Variants in INSL6 observed in about 807,000 individuals in gnomAD.
The protein encoded by INSL6 is insulin-like peptide INSL6.
In INSL6, 16 loss-of-function variants were observed where a neutral mutation model predicts 9.4. The ratio of observed to expected loss-of-function variants is 1.70; its 90% CI spans 1.15 to 2.59. The LOEUF (loss-of-function observed/expected upper bound fraction) is 2.59. INSL6 is among the 30% of genes most tolerant of loss of function. INSL6 has a pLI of 0.00. For synonymous variants in INSL6, 154 were observed against 96.9 expected (o/e 1.59, Z -3.46); for missense variants, 391 against 257.3 (o/e 1.52, Z -3.56).
At chr9:5,178,461 G>A (rs1825368982) in intron 1 of INSL6, among the ~76,000 whole-genome samples, 1 of 152,158 alleles carries the variant, frequency 6.6e-6, no homozygotes, top group East Asian at 1.9e-4. Flanking sequence ...ACTCTTCACT[G>A]GGCAGGACCT....
chr9:5,101,204 A>G, the INSL6 span, among the ~76,000 whole-genome samples: 7 of 152,356 alleles, frequency 4.6e-5, no homozygotes, highest in Admixed American at 2.0e-4. Context: ...CAACAGTCTT[A>G]CCAAATGGCA....
intron 3 of INSL6, chr9:5,126,790 G>C (rs1282965339): frequency 6.3e-7 from 1 of 1,588,218 alleles, no homozygotes; most frequent in Non-Finnish European, 8.6e-7. Flanking sequence ...ATGGCTGGAT[G>C]AAAGAAATGA....
the INSL6 span, chr9:5,084,905 T>C: frequency 4.3e-6 from 2 of 460,282 alleles, no homozygotes; most frequent in Non-Finnish European, 8.3e-6. Context: ...AAATGATTTT[T>C]GGTTATCTGC....
At chr9:5,130,346 G>A (rs1824245457) in intron 3 of INSL6, among the ~76,000 whole-genome samples, 1 of 152,176 alleles carries the variant, frequency 6.6e-6, no homozygotes, top group Non-Finnish European at 1.5e-5. Flanking sequence ...TTTGAGCAGT[G>A]TGAACAGACA....
At chr9:5,066,797 T>C in the INSL6 span, 2 of 1,307,618 alleles carry the variant, frequency 1.5e-6, no homozygotes, top group African/African-American at 3.0e-5. Flanking sequence ...GAGGTTAGTA[T>C]GTCACACTTA....
At chr9:5,050,646 A>T in the INSL6 span, 9 of 1,572,012 alleles carry the variant, frequency 5.7e-6, no homozygotes, top group Non-Finnish European at 7.8e-6. Context: ...ATGATAATGA[A>T]ACTTACGATG....
chr9:5,131,532 G>A (rs1476404064), intron 3 of INSL6, among the ~76,000 whole-genome samples: 1 of 147,332 alleles, frequency 6.8e-6, no homozygotes, highest in East Asian at 2.0e-4. Context: ...CCACCTCCTG[G>A]GTTCAAGTGA....
the INSL6 span, among the ~76,000 whole-genome samples, chr9:4,994,211 C>T: frequency 6.6e-6 from 1 of 152,196 alleles, no homozygotes; most frequent in African/African-American, 2.4e-5. Flanking sequence ...GCCATAGGAA[C>T]TTCCTTATCT....
chr9:5,001,344 AT>A, the INSL6 span, among the ~76,000 whole-genome samples: 1 of 152,124 alleles, frequency 6.6e-6, no homozygotes, highest in Non-Finnish European at 1.5e-5. Flanking sequence ...TCTTTATTTT[AT>A]TGAGGAAATT....
At chr9:5,062,341 T>G in the INSL6 span, among the ~76,000 whole-genome samples, 52 of 152,004 alleles carry the variant, frequency 3.4e-4, 1 homozygote, top group South Asian at 1.0e-2. Flanking sequence ...CAAAGGTCAT[T>G]GATCACAAAT....
the INSL6 span, among the ~76,000 whole-genome samples, chr9:5,069,561 A>G: frequency 6.6e-6 from 1 of 152,162 alleles, no homozygotes; most frequent in African/African-American, 2.4e-5. Flanking sequence ...TAAAGACAGT[A>G]AAGTTGGAAA....
chr9:5,073,793 A>G, the INSL6 span: 1 of 1,558,980 alleles, frequency 6.4e-7, no homozygotes, highest in Non-Finnish European at 8.8e-7. Flanking sequence ...AGAGTAAGTA[A>G]AACTACAGGC....
At chr9:5,043,439 GACAA>G in the INSL6 span, among the ~76,000 whole-genome samples, 1 of 152,160 alleles carries the variant, frequency 6.6e-6, no homozygotes, top group Non-Finnish European at 1.5e-5. Flanking sequence ...AAATCAGAAA[GACAA>G]ACAATAACAA....
rs140515241 is a variant in INSL6, at chr9:5,185,335, G to A, written c.268C>T (p.Arg90Trp). ...TTACCTGGGTTTGTGCCTCTTCCCCGGGCCGGGGAAGCGGTTTGCGGGCTT... is the reference window on the plus strand; with the variant it reads ...TTACCTGGGTTTGTGCCTCTTCCCCAGGCCGGGGAAGCGGTTTGCGGGCTT... ...FESPQTASPARGRGTNPVSTS... is the reference protein window; with the variant it reads ...FESPQTASPAWGRGTNPVSTS... Residue 90 changes from arginine (R) to tryptophan (W), a missense_variant, in exon 1 of 2, where the codon CGG (arginine) becomes TGG (tryptophan). Physicochemically the swap from Arg to Trp is moderately radical, Grantham distance 101. Coordinates refer to ENST00000381641, the MANE Select transcript of INSL6 (RefSeq NM_007179.3). 2.2e-4 allele frequency: 351 copies of A among 1,614,070 alleles called. No individual in the cohort carries two copies. Among genetic ancestry groups the A allele is most frequent in the Admixed American group, 4.0e-4 (24 of 60,024 alleles).
chr9:5,070,057 G>A, the INSL6 span: 1 of 1,592,548 alleles, frequency 6.3e-7, no homozygotes, highest in Non-Finnish European at 8.6e-7. Flanking sequence ...ATATTTGTAA[G>A]TCATTAGATA....
downstream of INSL6, among the ~76,000 whole-genome samples, chr9:5,122,816 T>C (rs1474329494): frequency 6.6e-6 from 1 of 151,332 alleles, no homozygotes; most frequent in Non-Finnish European, 1.5e-5. Flanking sequence ...AATTGTGGAA[T>C]CCCTCCTGAA....
the INSL6 span, among the ~76,000 whole-genome samples, chr9:5,078,102 C>G: frequency 6.6e-6 from 1 of 152,166 alleles, no homozygotes; most frequent in African/African-American, 2.4e-5. Flanking sequence ...TTCATTTCAT[C>G]ACAAGCATAG....
At chr9:5,086,773 A>G in the INSL6 span, among the ~76,000 whole-genome samples, 1 of 152,144 alleles carries the variant, frequency 6.6e-6, no homozygotes, top group Non-Finnish European at 1.5e-5. Context: ...TCTTTTTGAT[A>G]TCTTTGGTAT....
chr9:5,069,860 C>T, the INSL6 span: 1 of 1,080,140 alleles, frequency 9.3e-7, no homozygotes. Flanking sequence ...CATTTTACTC[C>T]TCTTTGGAGC....
Sources: allele counts gnomAD v4.1 joint callset (sites outside exome capture counted in the v4.1 genomes callset), GRCh38; gene constraint gnomAD v4.1.1; transcripts MANE v1.5; gene names NCBI Gene and HGNC (gene_info 2026-07-23, HGNC 2026-07-21).